NUP133: variants seen among roughly 807,000 people sequenced by gnomAD.
The protein encoded by NUP133 is nucleoporin 133.
A neutral mutation model predicts 146.2 loss-of-function variants in NUP133; 66 were observed. That is an observed-to-expected ratio of 0.45 (90% CI 0.37 to 0.55). NUP133 has a LOEUF of 0.55. NUP133 is among the 20% of genes least tolerant of loss of function. NUP133 has a pLI of 0.00. For missense variants in NUP133, 1,277 were observed against 1,374.8 expected (o/e 0.93, Z 1.12); for synonymous variants, 521 against 498.8 (o/e 1.04, Z -0.59).
At chr1:229,472,498 C>A (rs1210783849) in intron 14 of NUP133, among the ~76,000 whole-genome samples, 1 of 150,546 alleles carries the variant, frequency 6.6e-6, no homozygotes, top group Non-Finnish European at 1.5e-5. Flanking sequence ...CAGAAGCAGG[C>A]GATCACCTGG....
chr1:229,476,107 CAAAA>C (rs1558099060), intron 13 of NUP133, among the ~76,000 whole-genome samples: 1 of 121,890 alleles, frequency 8.2e-6, no homozygotes, highest in East Asian at 2.3e-4. Flanking sequence ...GACTCGGTCT[CAAAA>C]AAGAAAAGGG....
intron 12 of NUP133, among the ~76,000 whole-genome samples, chr1:229,479,063 G>A (rs916773351): frequency 1.3e-5 from 2 of 152,118 alleles, no homozygotes; most frequent in Admixed American, 1.3e-4. Context: ...GAAAACAGAT[G>A]ACAGAGACAG....
intron 2 of NUP133, among the ~76,000 whole-genome samples, chr1:229,504,312 A>C (rs1396147815): frequency 1.3e-5 from 2 of 152,342 alleles, no homozygotes; most frequent in Admixed American, 6.5e-5. Flanking sequence ...AAGAACCGCT[A>C]AATTTTGGTC....
intron 8 of NUP133, among the ~76,000 whole-genome samples, chr1:229,495,131 G>A (rs1230166270): frequency 6.6e-6 from 1 of 152,194 alleles, no homozygotes; most frequent in Non-Finnish European, 1.5e-5. Context: ...GCTCACACCC[G>A]TAATCGCAAT....
chr1:229,506,224 G>T, intron 1 of NUP133, 66 bp from the exon 2 acceptor site: 9 of 867,590 alleles, frequency 1.0e-5, no homozygotes, highest in South Asian at 2.0e-5. Flanking sequence ...AATTTTTTAT[G>T]TATATATTTT....
chr1:229,505,564 T>TAG (rs765247187), intron 2 of NUP133, among the ~76,000 whole-genome samples: 876 of 63,220 alleles, frequency 0.014, 12 homozygotes, highest in Non-Finnish European at 0.021. Context: ...CAATTACAGT[T>TAG]AAAAAAAAAA....
intron 9 of NUP133, among the ~76,000 whole-genome samples, chr1:229,488,023 T>C (rs1661405269): frequency 6.6e-6 from 1 of 151,916 alleles, no homozygotes; most frequent in African/African-American, 2.4e-5. Context: ...TTTTTGTATC[T>C]TTAGTAGAGA....
chr1:229,470,528 A>T, intron 15 of NUP133, 52 bp downstream of exon 15: 3 of 1,428,258 alleles, frequency 2.1e-6, no homozygotes, highest in Non-Finnish European at 3.0e-6. Flanking sequence ...CTAGGGCATG[A>T]TCACTAAATG....
At position 229,485,396 on chromosome 1, in the gene NUP133, G is replaced by C. The variant is rs184342141; in HGVS notation, c.1500+975C>G. ...TGACTTTGGGAAAAACTACATTGAGGGGCACTCTACAGAACTCCTGGAGTG... is the reference window on the plus strand; with the variant it reads ...TGACTTTGGGAAAAACTACATTGAGCGGCACTCTACAGAACTCCTGGAGTG... On this transcript the variant is annotated intron_variant, in intron 11 of 25. Coordinates refer to ENST00000261396, the MANE Select transcript of NUP133 (RefSeq NM_018230.3). Among the ~76,000 whole-genome samples the C allele has an allele frequency of 2.0e-5, 3 of 152,218 alleles. No homozygotes were observed. The East Asian group carries it at 5.8e-4, about 29-fold the overall frequency.
chr1:229,453,608 A>T lies in NUP133; in HGVS notation c.2981-965T>A, dbSNP rs140418183. On this transcript the variant is annotated intron_variant, in intron 21 of 25. Transcript: ENST00000261396. ...AGATGATCAGAATCATTTTAACTGGATCATCACTTTAATTGGGGTTTTAAT... is the reference window on the plus strand; with the variant it reads ...AGATGATCAGAATCATTTTAACTGGTTCATCACTTTAATTGGGGTTTTAAT... 2.6e-5 allele frequency among the ~76,000 whole-genome samples: 4 copies of T among 152,356 alleles called. No individual in the cohort carries two copies. The East Asian group carries it at 7.7e-4, about 29-fold the overall frequency.
At chr1:229,506,429 T>C (rs182622700) in intron 1 of NUP133, among the ~76,000 whole-genome samples, 40 of 147,436 alleles carry the variant, frequency 2.7e-4, no homozygotes, top group African/African-American at 9.2e-4. Flanking sequence ...AGCTGTGAAA[T>C]AAGGCTTAAC....
chr1:229,498,252 C>A lies in NUP133; in HGVS notation c.703G>T (p.Glu235Ter). The A allele has an allele frequency of 6.2e-7, 1 of 1,608,148 alleles. No homozygotes were observed. The highest frequency in any genetic ancestry group is 8.5e-7 in the Non-Finnish European group (1 of 1,178,432). ...SGSQLIRLIP[E>*]SSGKIHQHIL... ...TGCTGATGAATCTTTCCTGAGCTCT[C>A]AGGTATCAACCGAATTAGTTGGCTT... The change falls in exon 6 of 26, where the codon GAG (glutamate) becomes TAG (stop). Residue 235 changes from glutamate (E) to a stop codon, truncating the protein, a stop_gained. Coordinates refer to ENST00000261396, the MANE Select transcript of NUP133 (RefSeq NM_018230.3). LOFTEE classifies it high-confidence loss of function.
chr1:229,449,289 A>T lies in NUP133; in HGVS notation c.3181-99T>A. 1.0e-5 allele frequency: 7 copies of T among 685,344 alleles called. No homozygotes were observed. In the South Asian group the frequency reaches 1.3e-4, roughly 13 times the overall value. 42.5% of individuals were successfully genotyped at this position (685,344 alleles called of 1,614,324 possible). On this transcript the variant is annotated intron_variant, in intron 23 of 25. Transcript: ENST00000261396. ...GTTAATACTACATACATAGAAGCCA[A>T]TTAATATCTATGAATTACTTTCAGG...
intron 25 of NUP133, among the ~76,000 whole-genome samples, chr1:229,443,910 TTTTTTTTTA>T (rs1475039485): frequency 7.2e-6 from 1 of 139,514 alleles, no homozygotes; most frequent in African/African-American, 2.9e-5. Flanking sequence ...TTTTTTTTTT[TTTTTTTTTA>T]AAATAGGGAC....
At chr1:229,504,578 A>G (rs1408328228) in intron 2 of NUP133, among the ~76,000 whole-genome samples, 1 of 152,232 alleles carries the variant, frequency 6.6e-6, no homozygotes, top group African/African-American at 2.4e-5. Context: ...TTGTGCACAC[A>G]GCCTCTGGGA....
intron 14 of NUP133, among the ~76,000 whole-genome samples, chr1:229,475,005 T>C (rs1661043243): frequency 6.6e-6 from 1 of 152,058 alleles, no homozygotes; most frequent in Admixed American, 6.5e-5. Context: ...CCCAGGAGGC[T>C]GTGAGAGGAC....
chr1:229,494,313 G>T (rs149985748), intron 8 of NUP133, among the ~76,000 whole-genome samples: 10 of 152,082 alleles, frequency 6.6e-5, no homozygotes, highest in African/African-American at 2.4e-4. Flanking sequence ...GCTTTTATAA[G>T]GTTTTCAGAG....
intron 10 of NUP133, among the ~76,000 whole-genome samples, 165 bp downstream of exon 10, chr1:229,487,301 G>C (rs1661378327): frequency 6.6e-6 from 1 of 152,038 alleles, no homozygotes; most frequent in Non-Finnish European, 1.5e-5. Flanking sequence ...GTACCCTTTT[G>C]GTTTCTTAGT....
intron 6 of NUP133, among the ~76,000 whole-genome samples, chr1:229,497,199 G>A (rs185229327): frequency 3.9e-5 from 6 of 152,250 alleles, no homozygotes; most frequent in East Asian, 1.9e-4. Context: ...CAGAAAGATG[G>A]GGATGGAAAT....
Sources: gnomAD v4.1 joint callset for allele counts (sites outside exome capture counted in the v4.1 genomes callset) on GRCh38, gnomAD v4.1.1 for gene constraint, MANE v1.5 for transcripts, NCBI Gene and HGNC (gene_info 2026-07-23, HGNC 2026-07-21) for gene names.